Variants in SLC15A1 observed in about 807,000 individuals in gnomAD.
SLC15A1 encodes solute carrier family 15 member 1.
In SLC15A1, 83 loss-of-function variants were observed where a neutral mutation model predicts 92.9. The observed-to-expected ratio is 0.89, with a 90% CI of 0.75 to 1.07. The LOEUF (loss-of-function observed/expected upper bound fraction) is 1.07, where lower values mean the gene tolerates loss of function less well. Among genes scored for constraint, SLC15A1 ranks in the 50% least tolerant of loss-of-function variants. The pLI is 0.00. For missense variants in SLC15A1, 857 were observed against 880.1 expected (o/e 0.97, Z 0.33); for synonymous variants, 322 against 318.2 (o/e 1.01, Z -0.13).
intron 16 of SLC15A1, among the ~76,000 whole-genome samples, chr13:98,704,644 AG>A (rs1303119820): frequency 2.6e-5 from 4 of 152,166 alleles, no homozygotes; most frequent in Non-Finnish European, 5.9e-5. Flanking sequence ...GTACCACCAC[AG>A]GAACCATACT....
intron 15 of SLC15A1, among the ~76,000 whole-genome samples, chr13:98,707,778 C>T (rs1307020667): frequency 6.6e-6 from 1 of 151,272 alleles, no homozygotes; most frequent in Non-Finnish European, 1.5e-5. Context: ...GCCTACAGTC[C>T]TAGCTACTCA....
Position 98,752,672 on chromosome 13 carries a change from C to G in SLC15A1, c.-74G>C, listed in dbSNP as rs2088557364. ...GGCAGGTGCTACTCCTCCGACCTGA[C>G]GTCCAGGCCCGGCCCCGTTGCCCCA... On this transcript the variant is annotated 5_prime_UTR_variant, in exon 1 of 23. Transcript: ENST00000376503. 7 of 1,219,098 alleles carry G rather than the reference C, an allele frequency of 5.7e-6. No individual in the cohort carries two copies. Among genetic ancestry groups the G allele is most frequent in the African/African-American group, 1.6e-5 (1 of 63,896 alleles). The allele number at this position is 1,219,098 out of a possible 1,614,324, so 75.5% of individuals were successfully genotyped here.
At chr13:98,699,310 C>T (rs772981790) in intron 18 of SLC15A1, among the ~76,000 whole-genome samples, 2 of 152,226 alleles carry the variant, frequency 1.3e-5, no homozygotes, top group Non-Finnish European at 2.9e-5. Flanking sequence ...TTCCCCTTCT[C>T]CACATCTCCA....
At chr13:98,750,424 T>C (rs1274776478) in intron 1 of SLC15A1, among the ~76,000 whole-genome samples, 1 of 152,150 alleles carries the variant, frequency 6.6e-6, no homozygotes, top group Non-Finnish European at 1.5e-5. Context: ...AAGCAACTTC[T>C]ATTTATTCTG....
In SLC15A1 at chr13:98,688,523, A is replaced by G; in HGVS notation, c.1521T>C (p.Tyr507=). The G allele has an allele frequency of 6.2e-7, 1 of 1,614,156 alleles. No individual in the cohort carries two copies. Among genetic ancestry groups the G allele is most frequent in the Non-Finnish European group, 8.5e-7 (1 of 1,180,014 alleles). Residue 507 remains tyrosine (Y), a synonymous_variant, in exon 19 of 23, where the codon TAT becomes TAC. Transcript: ENST00000376503. ...TGGCATTGTAGCTGCTGATGTTTGC[A>G]TAAACTTTCCCACTCATTGTGATGG... ...LITITMSGKV[Y]ANISSYNAST...
At chr13:98,697,459 A>C (rs2077894469) in intron 18 of SLC15A1, among the ~76,000 whole-genome samples, 1 of 151,826 alleles carries the variant, frequency 6.6e-6, no homozygotes, top group Admixed American at 6.5e-5. Flanking sequence ...GAACGAAGGA[A>C]CAAAAAAAAA....
Position 98,696,485 on chromosome 13 carries a change from G to C in SLC15A1, c.1466+5995C>G, listed in dbSNP as rs1471654039. ...GCTTTAACAACACCAAAACAAGAAA[G>C]GATCCCCCAATATCAATTGCTCAAA... On this transcript the variant is annotated intron_variant, in intron 18 of 22. Coordinates refer to ENST00000376503, the MANE Select transcript of SLC15A1 (RefSeq NM_005073.4). Among the ~76,000 whole-genome samples the C allele has an allele frequency of 2.0e-5, 3 of 151,840 alleles. No individual in the cohort carries two copies. The East Asian group carries it at 5.8e-4, about 29-fold the overall frequency.
intron 15 of SLC15A1, among the ~76,000 whole-genome samples, chr13:98,707,776 T>C (rs993158786): frequency 2.6e-5 from 4 of 151,430 alleles, no homozygotes. Flanking sequence ...ATGCCTACAG[T>C]CCTAGCTACT....
chr13:98,722,479 G>C (rs1311845633), intron 5 of SLC15A1, among the ~76,000 whole-genome samples: 1 of 47,820 alleles, frequency 2.1e-5, no homozygotes, highest in African/African-American at 2.3e-4. Flanking sequence ...TTTAACTCCT[G>C]AGTTGAAAAA....
At chr13:98,727,826 T>C (rs2088315246) in intron 1 of SLC15A1, among the ~76,000 whole-genome samples, 1 of 152,188 alleles carries the variant, frequency 6.6e-6, no homozygotes, top group South Asian at 2.1e-4. Context: ...TCACCCCGAT[T>C]TCCTTATATT....
At chr13:98,723,061 G>T (rs577641571) in intron 5 of SLC15A1, among the ~76,000 whole-genome samples, 11 of 152,302 alleles carry the variant, frequency 7.2e-5, no homozygotes, top group African/African-American at 2.6e-4. Flanking sequence ...GGCACAGCCA[G>T]AATCTGGCTC....
chr13:98,711,706 T>G (rs1321301035), intron 11 of SLC15A1, 148 bp downstream of exon 11: 2 of 592,516 alleles, frequency 3.4e-6, no homozygotes, highest in Non-Finnish European at 6.0e-6. Context: ...ATAAACTCAA[T>G]GTGATCTAAC....
In SLC15A1 at chr13:98,726,181, A is replaced by T. The variant is rs2088297694; in HGVS notation, c.187T>A (p.Cys63Ser). 6.2e-7 allele frequency: 1 copy of T among 1,614,056 alleles called. No homozygotes were observed. The highest frequency in any genetic ancestry group is 1.1e-5 in the South Asian group (1 of 91,068). ...TAIYHTFVAL[C>S]YLTPILGALI... is the part of the protein sequence containing the mutation. ...GCTCCGAGAATTGGCGTCAGGTAGC[A>T]CAGAGCCACAAACGTATGGTAGATG... Residue 63 changes from cysteine (C) to serine (S), a missense_variant, in exon 4 of 23, where the codon TGC becomes AGC. Coordinates refer to ENST00000376503, the MANE Select transcript of SLC15A1 (RefSeq NM_005073.4).
chr13:98,691,934 A>G (rs1207303223), intron 18 of SLC15A1, among the ~76,000 whole-genome samples: 1 of 151,936 alleles, frequency 6.6e-6, no homozygotes. Context: ...TTAGCTGGAC[A>G]TGGTGGTGCA....
intron 18 of SLC15A1, among the ~76,000 whole-genome samples, chr13:98,697,105 G>A (rs543098865): frequency 6.6e-6 from 1 of 152,162 alleles, no homozygotes; most frequent in South Asian, 2.1e-4. Context: ...ACCCAGGCTG[G>A]AGTGCAGTGC....
chr13:98,704,346 G>A lies in SLC15A1; in HGVS notation c.1359C>T (p.Asp453=). ...PGSPVTAVTD[D]FKQGQRHTLL... ...GCGTGTGGCGTTGGCCCTGCTTGAA[G>A]TCGTCAGTTACAGCAGTGACTGGTG... Residue 453 remains aspartate, a synonymous_variant, in exon 17 of 23, where the codon GAC becomes GAT. Coordinates refer to ENST00000376503, the MANE Select transcript of SLC15A1 (RefSeq NM_005073.4). 2.5e-6 allele frequency: 4 copies of A among 1,613,994 alleles called. No homozygotes were observed. The highest frequency in any genetic ancestry group is 3.4e-6 in the Non-Finnish European group (4 of 1,179,942).
chr13:98,736,513 C>T (rs1216184141), intron 1 of SLC15A1, among the ~76,000 whole-genome samples: 1 of 152,154 alleles, frequency 6.6e-6, no homozygotes, highest in Non-Finnish European at 1.5e-5. Flanking sequence ...AACTAAAGAG[C>T]TCCTGCACAG....
At chr13:98,685,842 C>T (rs572040001) in intron 22 of SLC15A1, among the ~76,000 whole-genome samples, 12 of 152,110 alleles carry the variant, frequency 7.9e-5, no homozygotes, top group South Asian at 2.1e-4. Flanking sequence ...AAACATTAGC[C>T]GGGTGTGGTG....
chr13:98,723,830 T>A (rs980851270), intron 5 of SLC15A1, 82 bp downstream of exon 5: 20 of 1,585,484 alleles, frequency 1.3e-5, no homozygotes, highest in Non-Finnish European at 1.6e-5. Flanking sequence ...TCAGTGAAGT[T>A]CAAGGAAAAA....
Sources: allele counts gnomAD v4.1 joint callset (sites outside exome capture counted in the v4.1 genomes callset), GRCh38; gene constraint gnomAD v4.1.1; transcripts MANE v1.5; gene names NCBI Gene and HGNC (gene_info 2026-07-23, HGNC 2026-07-21).